The following RNLS variants were observed in gnomAD, a reference collection of about 807,000 sequenced individuals.
The protein encoded by RNLS is renalase.
In RNLS, 39 loss-of-function variants were observed where a neutral mutation model predicts 39.8. That is an observed-to-expected ratio of 0.98 (90% CI 0.76 to 1.28). The LOEUF (loss-of-function observed/expected upper bound fraction) is 1.28. Ranked by LOEUF, RNLS falls within the 50% of genes most tolerant of loss-of-function variation. The probability of loss-of-function intolerance (pLI) is 0.00; values close to 1 mark genes in which losing one functional copy is unlikely to be tolerated. For missense variants in RNLS, 410 were observed against 413.3 expected (o/e 0.99, Z 0.07); for synonymous variants, 147 against 150.7 (o/e 0.98, Z 0.18).
At chr10:88,380,714 C>G (rs1337507188) in intron 4 of RNLS, among the ~76,000 whole-genome samples, 2 of 152,072 alleles carry the variant, frequency 1.3e-5, no homozygotes, top group Non-Finnish European at 2.9e-5. Flanking sequence ...AAAAGGCTTT[C>G]CCATTTGAAG....
At chr10:88,275,692 A>G (rs1842788549) in intron 6 of RNLS, among the ~76,000 whole-genome samples, 4 of 152,206 alleles carry the variant, frequency 2.6e-5, no homozygotes, top group African/African-American at 9.6e-5. Context: ...CGCACAGAAC[A>G]TTACCATAAT....
intron 4 of RNLS, among the ~76,000 whole-genome samples, chr10:88,401,600 G>T (rs879393472): frequency 4.0e-4 from 61 of 152,062 alleles, no homozygotes; most frequent in Admixed American, 1.2e-3. Flanking sequence ...TATGGCTAAG[G>T]ACTTGGAAAT....
At chr10:88,225,915 A>ATT in the RNLS span, among the ~76,000 whole-genome samples, 1 of 150,472 alleles carries the variant, frequency 6.6e-6, no homozygotes, top group Non-Finnish European at 1.5e-5. Flanking sequence ...TCAGTGTCCT[A>ATT]TTTTTTTTTT....
intron 4 of RNLS, among the ~76,000 whole-genome samples, chr10:88,399,103 C>T (rs988167866): frequency 6.6e-6 from 1 of 151,656 alleles, no homozygotes; most frequent in African/African-American, 2.4e-5. Context: ...TTCATACCTC[C>T]TAGGATGGCT....
rs79130710 is a variant in RNLS, at chr10:88,464,435, T to C, written c.527-101710A>G. Among the ~76,000 whole-genome samples the C allele has an allele frequency of 9.5e-3, 1,450 of 152,208 alleles. 22 individuals carry two copies. The highest frequency in any genetic ancestry group is 0.033 in the African/African-American group (1,368 of 41,552). On this transcript the variant is annotated intron_variant, in intron 4 of 6. Transcript: ENST00000331772. ...CTAAAGTTACAGCAGCATCAAATGA[T>C]TTTATAGCCCACTGGGGCCAGAAAA...
At chr10:88,408,097 C>T (rs1442218767) in intron 4 of RNLS, among the ~76,000 whole-genome samples, 1 of 152,084 alleles carries the variant, frequency 6.6e-6, no homozygotes, top group African/African-American at 2.4e-5. Flanking sequence ...TGTGTTTAAA[C>T]TGCATATAGT....
At chr10:88,278,545 C>T (rs889027722) in intron 6 of RNLS, among the ~76,000 whole-genome samples, 11 of 152,122 alleles carry the variant, frequency 7.2e-5, no homozygotes, top group African/African-American at 2.7e-4. Context: ...GCTACAGAAG[C>T]TATGTTGATT....
At chr10:88,336,212 A>AT (rs1847482752) in intron 5 of RNLS, among the ~76,000 whole-genome samples, 1 of 152,172 alleles carries the variant, frequency 6.6e-6, no homozygotes, top group Non-Finnish European at 1.5e-5. Context: ...CTTTTAAAAA[A>AT]CCGACACACC....
rs528677693 is a variant in RNLS at position 88,452,530 on chromosome 10, C to T, written c.527-89805G>A. Among the ~76,000 whole-genome samples the T allele has an allele frequency of 4.6e-5, 7 of 152,244 alleles. No individual in the cohort carries two copies. The South Asian group carries it at 8.3e-4, about 18-fold the overall frequency. ...ATGTATGTCCCCAGTAGGAATAAAA[C>T]ATGGGAAGGTGTAAAAGTGTAAGTG... On this transcript the variant is annotated intron_variant, in intron 4 of 6. Transcript: ENST00000331772.
intron 4 of RNLS, among the ~76,000 whole-genome samples, chr10:88,382,257 G>A (rs1564751726): frequency 6.6e-6 from 1 of 152,122 alleles, no homozygotes; most frequent in Non-Finnish European, 1.5e-5. Flanking sequence ...GTACAGTGGA[G>A]TGTAGATGAC....
chr10:88,581,616 C>T lies in RNLS; in HGVS notation c.318G>A (p.Val106=), dbSNP rs1850563989. The change falls in exon 3 of 7, where the codon GTG becomes GTA. Residue 106 remains valine, a synonymous_variant. Coordinates refer to ENST00000331772, the MANE Select transcript of RNLS (RefSeq NM_001031709.3). The part of the protein sequence containing the change: ...MVMKEGDCNF[V]APQGISSIIK... ...TAATTGAAGAAATTCCTTGAGGTGC[C>T]ACAAAGTTACAGTCTCCTTCTTTCA... 6.2e-7 allele frequency: 1 copy of T among 1,607,264 alleles called. No homozygotes were observed. Among genetic ancestry groups the T allele is most frequent in the East Asian group, 2.3e-5 (1 of 44,302 alleles).
At chr10:88,487,106 A>G (rs1844574544) in intron 4 of RNLS, among the ~76,000 whole-genome samples, 2 of 152,204 alleles carry the variant, frequency 1.3e-5, no homozygotes, top group South Asian at 2.1e-4. Flanking sequence ...ACAGGAACAG[A>G]AAACCAAATA....
At chr10:88,286,787 C>G (rs1219124674) in intron 6 of RNLS, among the ~76,000 whole-genome samples, 1 of 114,792 alleles carries the variant, frequency 8.7e-6, no homozygotes, top group East Asian at 2.5e-4. Context: ...AGTATATTCC[C>G]TTACAGTTTT....
At chr10:88,575,247 C>A (rs947991644) in intron 3 of RNLS, among the ~76,000 whole-genome samples, 1 of 136,128 alleles carries the variant, frequency 7.3e-6, no homozygotes. Context: ...CATATATATA[C>A]ACCAAGGTGT....
the RNLS span, among the ~76,000 whole-genome samples, chr10:88,203,716 T>G: frequency 6.7e-6 from 1 of 150,362 alleles, no homozygotes; most frequent in South Asian, 2.1e-4. Context: ...TTAGATTTAT[T>G]TTACAAACAA....
chr10:88,533,818 C>T (rs1365941812), intron 4 of RNLS, among the ~76,000 whole-genome samples: 1 of 152,168 alleles, frequency 6.6e-6, no homozygotes, highest in Admixed American at 6.6e-5. Flanking sequence ...TAGAATCCCA[C>T]AAATAGTCTA....
chr10:88,397,452 T>C (rs1852629702), intron 4 of RNLS, among the ~76,000 whole-genome samples: 1 of 151,934 alleles, frequency 6.6e-6, no homozygotes. Flanking sequence ...ATACCAAGCC[T>C]TACTGGATGT....
At chr10:88,355,410 G>T (rs1043921280) in intron 5 of RNLS, among the ~76,000 whole-genome samples, 5 of 152,166 alleles carry the variant, frequency 3.3e-5, no homozygotes, top group Non-Finnish European at 5.9e-5. Context: ...TGTCCTTTCT[G>T]TTTGTTAGTT....
chr10:88,542,293 A>G (rs1848087506), intron 4 of RNLS, among the ~76,000 whole-genome samples: 1 of 152,110 alleles, frequency 6.6e-6, no homozygotes, highest in African/African-American at 2.4e-5. Context: ...AAAAGAATGA[A>G]GTCCAGGGAG....
Sources: allele counts gnomAD v4.1 joint callset (sites outside exome capture counted in the v4.1 genomes callset), GRCh38; gene constraint gnomAD v4.1.1; transcripts MANE v1.5; gene names NCBI Gene and HGNC (gene_info 2026-07-23, HGNC 2026-07-21).